AGBL1: variants seen among roughly 807,000 people sequenced by gnomAD.
AGBL1 encodes AGBL carboxypeptidase 1.
In AGBL1, 130 loss-of-function variants were observed where a neutral mutation model predicts 118.9. The ratio of observed to expected loss-of-function variants is 1.09; its 90% CI spans 0.95 to 1.26. AGBL1 has a LOEUF of 1.26. Among genes scored for constraint, AGBL1 ranks in the 50% most tolerant of loss-of-function variants. AGBL1 has a pLI of 0.00. For missense variants in AGBL1, 1,584 were observed against 1,298.1 expected, an observed-to-expected ratio of 1.22 and a Z score of -3.38; for synonymous variants, 555 against 478.9, an observed-to-expected ratio of 1.16 and a Z score of -2.08.
chr15:86,949,879 A>G (rs1284485662), intron 23 of AGBL1, among the ~76,000 whole-genome samples: 1 of 152,128 alleles, frequency 6.6e-6, no homozygotes, highest in Non-Finnish European at 1.5e-5. Context: ...TAGGACACTT[A>G]TCATTAATAA....
Position 86,264,474 on chromosome 15 carries a change from G to A in AGBL1, c.1303G>A (p.Gly435Arg), listed in dbSNP as rs1437166495. The A allele has an allele frequency of 2.2e-5, 35 of 1,613,892 alleles. No individual in the cohort carries two copies. The highest frequency in any genetic ancestry group is 2.6e-5 in the Non-Finnish European group (31 of 1,179,900). ...TVHLGSKKNP[G>R]VNLYQNVQSN... ...GCATCTAGGCTCCAAAAAAAATCCT[G>A]GAGTGAACCTGTACCAAAATGTGCA... The change falls in exon 11 of 23, where the codon GGA (glycine) becomes AGA (arginine). Residue 435 changes from glycine (G) to arginine (R), a missense_variant. Transcript: ENST00000614907.
chr15:86,879,794 G>A lies in AGBL1; in HGVS notation c.3159-27293G>A, dbSNP rs757150334. Among the ~76,000 whole-genome samples the A allele has an allele frequency of 5.8e-4, 89 of 152,180 alleles. 1 individual carries two copies. Among genetic ancestry groups the A allele is most frequent in the Non-Finnish European group, 7.8e-4 (53 of 68,014 alleles). On this transcript the variant is annotated intron_variant, in intron 22 of 22. Coordinates refer to ENST00000614907, the MANE Select transcript of AGBL1 (RefSeq NM_001386094.1). ...GCATGTTTGTGGGTGTTTGTCAGAG[G>A]TGGCCACAGGCTTCGTGCCAGGGCT...
At chr15:86,758,074 G>C (rs2077967394) in intron 22 of AGBL1, among the ~76,000 whole-genome samples, 1 of 152,058 alleles carries the variant, frequency 6.6e-6, no homozygotes, top group Admixed American at 6.6e-5. Flanking sequence ...CTGAGTCCAA[G>C]TCAATGATCC....
intron 18 of AGBL1, among the ~76,000 whole-genome samples, chr15:86,467,669 C>A (rs1033542626): frequency 2.6e-5 from 4 of 152,180 alleles, no homozygotes; most frequent in African/African-American, 9.7e-5. Flanking sequence ...AGTGTCTTGG[C>A]CAGAATGCAC....
chr15:86,955,406 T>G (rs2080919208), intron 23 of AGBL1, among the ~76,000 whole-genome samples: 1 of 151,526 alleles, frequency 6.6e-6, no homozygotes, highest in Non-Finnish European at 1.5e-5. Context: ...AGAAAACAAA[T>G]CAGTTCTGAA....
intron 18 of AGBL1, among the ~76,000 whole-genome samples, chr15:86,469,443 A>G (rs974617833): frequency 6.6e-6 from 1 of 152,166 alleles, no homozygotes; most frequent in Non-Finnish European, 1.5e-5. Flanking sequence ...ATTTCATTGT[A>G]TGTATGTATG....
intron 13 of AGBL1, among the ~76,000 whole-genome samples, chr15:86,267,491 T>G (rs575442324): frequency 2.0e-5 from 3 of 152,314 alleles, no homozygotes; most frequent in Admixed American, 6.5e-5. Flanking sequence ...CCTGCACTTC[T>G]CTATGCCTGT....
In AGBL1 at chr15:86,666,072, G is replaced by A. The variant is rs77490642; in HGVS notation, c.2995-8201G>A. Among the ~76,000 whole-genome samples the A allele has an allele frequency of 6.7e-3, 1,019 of 152,156 alleles. 8 individuals are homozygous for A. The highest frequency in any genetic ancestry group is 0.021 in the East Asian group (108 of 5,176). On this transcript the variant is annotated intron_variant, in intron 21 of 22. Coordinates refer to ENST00000614907, the MANE Select transcript of AGBL1 (RefSeq NM_001386094.1). ...TATTCTTGCCATGTATTCTTCCAGAGGGGAATTTGTTTTCCAAGTCTGAAA... is the reference window on the plus strand; with the variant it reads ...TATTCTTGCCATGTATTCTTCCAGAAGGGAATTTGTTTTCCAAGTCTGAAA...
At chr15:86,196,653 C>T (rs1320148281) in intron 5 of AGBL1, among the ~76,000 whole-genome samples, 1 of 152,026 alleles carries the variant, frequency 6.6e-6, no homozygotes, top group African/African-American at 2.4e-5. Context: ...TAAAGAAATA[C>T]ACTGCTATGG....
intron 22 of AGBL1, among the ~76,000 whole-genome samples, chr15:86,769,323 C>A (rs1279043754): frequency 6.6e-6 from 1 of 151,922 alleles, no homozygotes; most frequent in African/African-American, 2.4e-5. Context: ...TTATCCCAGG[C>A]TATCTCTAGG....
intron 1 of AGBL1, among the ~76,000 whole-genome samples, chr15:86,124,491 T>C (rs991176332): frequency 1.3e-5 from 2 of 152,180 alleles, no homozygotes; most frequent in African/African-American, 4.8e-5. Flanking sequence ...AAACTCTTTG[T>C]GCTACCTTTG....
chr15:86,448,825 G>T (rs2082158406), intron 18 of AGBL1, among the ~76,000 whole-genome samples: 1 of 152,102 alleles, frequency 6.6e-6, no homozygotes, highest in African/African-American at 2.4e-5. Flanking sequence ...ATGGGACTTA[G>T]TGTGCCATTA....
At chr15:86,945,805 A>C (rs570920609) in intron 23 of AGBL1, among the ~76,000 whole-genome samples, 7 of 152,258 alleles carry the variant, frequency 4.6e-5, no homozygotes, top group African/African-American at 1.7e-4. Flanking sequence ...ATTAGTCAGC[A>C]GTCTGGGGAT....
In AGBL1 at chr15:86,522,926, G is replaced by A; in HGVS notation, c.2672G>A (p.Gly891Asp). Residue 891 changes from glycine to aspartate, a missense_variant, in exon 19 of 23, where the codon GGC becomes GAC. Physicochemically the swap from Gly to Asp is moderately conservative, Grantham distance 94. Transcript: ENST00000614907. ...CTCCTCTACCACCTGAGCAGCATTG[G>A]CCGAAGTCCCGTGGTGAGTCACTTC... ...KGLLYHLSSI[G>D]RSPVVFCDFH... 6.2e-7 allele frequency: 1 copy of A among 1,613,910 alleles called. No homozygotes were observed. The highest frequency in any genetic ancestry group is 8.5e-7 in the Non-Finnish European group (1 of 1,179,822).
At chr15:86,250,287 G>A (rs553683094) in intron 7 of AGBL1, among the ~76,000 whole-genome samples, 3 of 152,052 alleles carry the variant, frequency 2.0e-5, no homozygotes, top group East Asian at 3.9e-4. Flanking sequence ...CACTTTGGGT[G>A]GCTGAGGCAG....
intron 23 of AGBL1, among the ~76,000 whole-genome samples, chr15:86,961,701 G>A (rs964856547): frequency 6.6e-6 from 1 of 152,030 alleles, no homozygotes; most frequent in African/African-American, 2.4e-5. Context: ...CTGTGGGTCA[G>A]GCCGGGGGCT....
At chr15:86,870,131 G>A (rs1391131087) in intron 22 of AGBL1, among the ~76,000 whole-genome samples, 1 of 151,936 alleles carries the variant, frequency 6.6e-6, no homozygotes, top group East Asian at 1.9e-4. Context: ...GTTTATAATT[G>A]AACAACATGA....
intron 24 of AGBL1, among the ~76,000 whole-genome samples, chr15:86,994,510 A>G (rs1014231485): frequency 9.2e-5 from 14 of 152,180 alleles, no homozygotes; most frequent in Admixed American, 2.0e-4. Flanking sequence ...AGCCCTAGAA[A>G]GAGGCAATTC....
chr15:86,269,909 T>C lies in AGBL1; in HGVS notation c.1839-10T>C. ...CCAGATAACCCTCCAGTCTTGCTTC[T>C]GATCTGCAGGTTCGAGTATGACTTG... On this transcript the variant is annotated splice_polypyrimidine_tract_variant and intron_variant, in intron 13 of 22. Transcript: ENST00000614907. 6.2e-7 allele frequency: 1 copy of C among 1,613,266 alleles called. No individual in the cohort carries two copies. Among genetic ancestry groups the C allele is most frequent in the Non-Finnish European group, 8.5e-7 (1 of 1,179,452 alleles).
Sources: gnomAD v4.1 joint callset for allele counts (sites outside exome capture counted in the v4.1 genomes callset) on GRCh38, gnomAD v4.1.1 for gene constraint, MANE v1.5 for transcripts, NCBI Gene and HGNC (gene_info 2026-07-23, HGNC 2026-07-21) for gene names.